The following BLTP1 variants were observed in gnomAD, a reference collection of about 807,000 sequenced individuals.
BLTP1 encodes the protein bridge-like lipid transfer protein family member 1.
At chr4:122,324,281 C>T in the BLTP1 span, 1 of 729,398 alleles carries the variant, frequency 1.4e-6, no homozygotes, top group Non-Finnish European at 2.0e-6. Context: ...GCTGATTCCT[C>T]CTCTATTTTG....
chr4:122,185,304 A>C, the BLTP1 span: 4 of 981,834 alleles, frequency 4.1e-6, no homozygotes, highest in Non-Finnish European at 4.8e-6. Context: ...ATAAAAATGG[A>C]TAGAGGTTAT....
the BLTP1 span, chr4:122,289,484 C>T: frequency 9.2e-6 from 9 of 982,186 alleles, no homozygotes; most frequent in African/African-American, 3.5e-5. Flanking sequence ...ATTAATCATA[C>T]TCATTTGGGA....
At chr4:122,163,722 G>T in the BLTP1 span, among the ~76,000 whole-genome samples, 2 of 152,184 alleles carry the variant, frequency 1.3e-5, no homozygotes, top group Non-Finnish European at 2.9e-5. Context: ...GTACAGAGAG[G>T]TTAGGTATTT....
chr4:122,194,729 G>A, the BLTP1 span: 19 of 814,994 alleles, frequency 2.3e-5, no homozygotes, highest in Non-Finnish European at 2.8e-5. Context: ...ATTTCATTAT[G>A]TATTTTTCAT....
chr4:122,331,385 G>A, the BLTP1 span: 5 of 1,611,876 alleles, frequency 3.1e-6, no homozygotes, highest in East Asian at 2.2e-5. Context: ...TTTACAGAAC[G>A]CTGGCCAACA....
chr4:122,257,191 G>A, the BLTP1 span: 3 of 1,481,654 alleles, frequency 2.0e-6, no homozygotes, highest in African/African-American at 1.4e-5. Context: ...TACATGCAAA[G>A]CACTTAAATG....
the BLTP1 span, chr4:122,234,698 C>G: frequency 2.1e-6 from 3 of 1,416,098 alleles, no homozygotes; most frequent in South Asian, 4.3e-5. Flanking sequence ...ATTTAATTAT[C>G]TATCAAAAAG....
the BLTP1 span, among the ~76,000 whole-genome samples, chr4:122,208,884 A>C: frequency 5.9e-5 from 9 of 151,850 alleles, 1 homozygote; most frequent in South Asian, 1.9e-3. Context: ...TCTAAAAAAA[A>C]CAAAAAACAG....
the BLTP1 span, chr4:122,189,498 TTTA>T: frequency 8.7e-5 from 77 of 886,094 alleles, no homozygotes; most frequent in Admixed American, 1.2e-4. Context: ...TGATAACTTT[TTTA>T]TTATTTAATG....
the BLTP1 span, chr4:122,254,179 AT>A: frequency 1.2e-6 from 2 of 1,610,584 alleles, no homozygotes; most frequent in Admixed American, 3.3e-5. Context: ...AGTTTTTGGC[AT>A]TCTATTTTAT....
At chr4:122,267,685 G>A in the BLTP1 span, 3 of 883,736 alleles carry the variant, frequency 3.4e-6, no homozygotes, top group Non-Finnish European at 4.1e-6. Context: ...ATGTAGCATG[G>A]TAAAAGTTAA....
At chr4:122,330,137 T>C in the BLTP1 span, among the ~76,000 whole-genome samples, 13 of 151,818 alleles carry the variant, frequency 8.6e-5, no homozygotes, top group Non-Finnish European at 1.8e-4. Flanking sequence ...TCAATGGACA[T>C]TTTAGGTTGT....
the BLTP1 span, chr4:122,188,955 A>G: frequency 2.0e-6 from 2 of 985,012 alleles, no homozygotes; most frequent in South Asian, 4.7e-5. Flanking sequence ...TTCCTTTTTG[A>G]GTATCGCGGT....
At chr4:122,246,973 CTT>C in the BLTP1 span, 1 of 885,890 alleles carries the variant, frequency 1.1e-6, no homozygotes, top group Non-Finnish European at 1.4e-6. Flanking sequence ...TAACATATGT[CTT>C]TAAAAAATTT....
chr4:122,287,811 C>A, the BLTP1 span: 1 of 587,232 alleles, frequency 1.7e-6, no homozygotes, highest in Non-Finnish European at 2.1e-6. Flanking sequence ...TCTAACAAGT[C>A]AAAGATTTAA....
the BLTP1 span, among the ~76,000 whole-genome samples, chr4:122,252,490 A>C: frequency 6.6e-6 from 1 of 152,156 alleles, no homozygotes; most frequent in Non-Finnish European, 1.5e-5. Flanking sequence ...TTGGGCCTTA[A>C]GTGAACATCA....
chr4:122,324,577 T>A, the BLTP1 span: 1 of 1,525,722 alleles, frequency 6.6e-7, no homozygotes, highest in African/African-American at 1.4e-5. Flanking sequence ...AATAAAATTG[T>A]TGACTCTTTT....
chr4:122,179,477 T>A, the BLTP1 span, among the ~76,000 whole-genome samples: 1 of 152,108 alleles, frequency 6.6e-6, no homozygotes, highest in Non-Finnish European at 1.5e-5. Context: ...CATGCTTACA[T>A]GGTCTGTATT....
At chr4:122,353,833 A>G in the BLTP1 span, 9 of 1,611,558 alleles carry the variant, frequency 5.6e-6, no homozygotes, top group Non-Finnish European at 7.6e-6. The surrounding 1 kb of genome is among the most constrained non-coding windows in gnomAD (Gnocchi z 4.3). Flanking sequence ...ATCATTCTAC[A>G]TATATTGTAC....
Sources: gnomAD v4.1 joint callset for allele counts (sites outside exome capture counted in the v4.1 genomes callset) on GRCh38, gnomAD v4.1.1 for gene constraint, Gnocchi (gnomAD v3.1) non-coding constraint, MANE v1.5 for transcripts, NCBI Gene and HGNC (gene_info 2026-07-23, HGNC 2026-07-21) for gene names.